NFE2L3: variants seen among roughly 807,000 people sequenced by gnomAD.
NFE2L3 encodes the protein nuclear factor erythroid 2-related factor 3.
NFE2L3 carries 18 observed loss-of-function variants against 23.5 expected under a neutral mutation model. The ratio of observed to expected loss-of-function variants is 0.77; its 90% CI spans 0.53 to 1.13. The LOEUF (loss-of-function observed/expected upper bound fraction) is 1.13, where lower values mean the gene tolerates loss of function less well. Ranked by LOEUF, NFE2L3 falls within the 50% of genes most tolerant of loss-of-function variation. NFE2L3 has a pLI of 0.00. For synonymous variants in NFE2L3, 424 were observed against 354.5 expected (o/e 1.20, Z -2.20); for missense variants, 1,152 against 877.2 (o/e 1.31, Z -3.96).
chr7:26,168,319 T>A (rs1784280962), intron 1 of NFE2L3, among the ~76,000 whole-genome samples: 1 of 151,710 alleles, frequency 6.6e-6, no homozygotes, highest in Non-Finnish European at 1.5e-5. Context: ...GTATTTTAAG[T>A]AGAGACAGGG....
rs933476324 is a variant in NFE2L3 at position 26,152,652 on chromosome 7, C to G, written c.154C>G (p.Pro52Ala). 6.0e-6 allele frequency: 9 copies of G among 1,500,652 alleles called. No individual in the cohort carries two copies. The highest frequency in any genetic ancestry group is 7.9e-6 in the Non-Finnish European group (9 of 1,133,092). The allele number at this position is 1,500,652 out of a possible 1,614,324, so 93.0% of individuals were successfully genotyped here. A position where few individuals can be genotyped will look rare whatever the true frequency, so the allele number is the denominator to read the frequency against. The change falls in exon 1 of 4, where the codon CCG becomes GCG. Residue 52 changes from proline to alanine, a missense_variant. Transcript: ENST00000056233. This position sits in a 1 kb window ranked among gnomAD's most constrained non-coding sequence, Gnocchi z 4.4. ...LQDELLFLGG[P>A]ASSAYALSPF... ...GGACGAGCTGCTGTTCCTGGGCGGC[C>G]CGGCCAGCTCCGCCTACGCGCTCAG...
At chr7:26,161,590 C>CGGCAAT (rs957752378) in intron 1 of NFE2L3, among the ~76,000 whole-genome samples, 3 of 151,914 alleles carry the variant, frequency 2.0e-5, no homozygotes, top group Non-Finnish European at 4.4e-5. Context: ...CCTCAGTGTC[C>CGGCAAT]GGCAATACCT....
chr7:26,154,570 A>G (rs1229667805), intron 1 of NFE2L3, among the ~76,000 whole-genome samples: 2 of 152,152 alleles, frequency 1.3e-5, no homozygotes, highest in African/African-American at 4.8e-5. Context: ...TTTGTTTTAA[A>G]GACAGGGTCT....
intron 1 of NFE2L3, among the ~76,000 whole-genome samples, chr7:26,156,437 G>T (rs1274528279): frequency 6.6e-6 from 1 of 152,092 alleles, no homozygotes; most frequent in Non-Finnish European, 1.5e-5. Flanking sequence ...AAATATTTTG[G>T]AGTAGGGGAT....
intron 2 of NFE2L3, among the ~76,000 whole-genome samples, chr7:26,183,281 C>T (rs1373916694): frequency 6.6e-6 from 1 of 152,114 alleles, no homozygotes; most frequent in Non-Finnish European, 1.5e-5. Flanking sequence ...GCTGCAGTGG[C>T]TCACGTCTGT....
intron 1 of NFE2L3, among the ~76,000 whole-genome samples, chr7:26,156,543 C>T (rs548868681): frequency 1.3e-5 from 2 of 152,280 alleles, no homozygotes; most frequent in South Asian, 2.1e-4. Flanking sequence ...AGGGCTGACA[C>T]GCTTCCCTTC....
chr7:26,161,102 G>A (rs1375085516), intron 1 of NFE2L3, among the ~76,000 whole-genome samples: 1 of 152,138 alleles, frequency 6.6e-6, no homozygotes, highest in Non-Finnish European at 1.5e-5. Flanking sequence ...AGCATGAAAG[G>A]AACCCTTCCC....
chr7:26,159,899 C>T (rs911903080), intron 1 of NFE2L3, among the ~76,000 whole-genome samples: 4 of 150,592 alleles, frequency 2.7e-5, no homozygotes, highest in East Asian at 1.9e-4. Context: ...AAGTCTGTCT[C>T]GTTCATGGCA....
intron 1 of NFE2L3, among the ~76,000 whole-genome samples, chr7:26,175,506 G>A (rs529492494): frequency 4.6e-5 from 7 of 152,188 alleles, no homozygotes; most frequent in East Asian, 1.9e-4. Context: ...CGCCGGGTGC[G>A]GTGGCTCACG....
At chr7:26,163,954 G>C (rs1256048460) in intron 1 of NFE2L3, among the ~76,000 whole-genome samples, 1 of 152,122 alleles carries the variant, frequency 6.6e-6, no homozygotes, top group East Asian at 1.9e-4. Flanking sequence ...ATGGTTTGCA[G>C]CTTCATCCAT....
At chr7:26,156,074 A>G (rs1197998996) in intron 1 of NFE2L3, among the ~76,000 whole-genome samples, 1 of 152,166 alleles carries the variant, frequency 6.6e-6, no homozygotes, top group Non-Finnish European at 1.5e-5. Flanking sequence ...CTAGACCCAG[A>G]CTGCCTGGTT....
chr7:26,152,450 G>A lies in NFE2L3; in HGVS notation c.-49G>A, dbSNP rs1442513987. On this transcript the variant is annotated 5_prime_UTR_variant, in exon 1 of 4. Coordinates refer to ENST00000056233, the MANE Select transcript of NFE2L3 (RefSeq NM_004289.7). This position sits in a 1 kb window ranked among gnomAD's most constrained non-coding sequence, Gnocchi z 4.4. ...CACGTGTCACCCCGGCGGCTGGGGC[G>A]CCGGGACCCGCGGGCGCCGGCAGGG... 25 of 1,211,960 alleles carry A rather than the reference G, an allele frequency of 2.1e-5. No individual in the cohort carries two copies. Among genetic ancestry groups the A allele is most frequent in the African/African-American group, 3.2e-5 (2 of 63,244 alleles). 75.1% of individuals were successfully genotyped at this position (1,211,960 alleles called of 1,614,324 possible). A position where few individuals can be genotyped will look rare whatever the true frequency, so the allele number is the denominator to read the frequency against.
rs542913465 is a variant in NFE2L3 at position 26,186,062 on chromosome 7, G to A, written c.*279G>A. ...ATAGGTTAACATGAAAACCCAGTAA[G>A]ACTTTCCATCTTGGCAGCCATCCTT... On this transcript the variant is annotated 3_prime_UTR_variant, in exon 4 of 4. Transcript: ENST00000056233. 3.8e-6 allele frequency: 1 copy of A among 263,202 alleles called. No individual in the cohort carries two copies. Among genetic ancestry groups the A allele is most frequent in the African/African-American group, 2.2e-5 (1 of 45,322 alleles). The allele number at this position is 263,202 out of a possible 1,614,324, so 16.3% of individuals were successfully genotyped here. A position where few individuals can be genotyped will look rare whatever the true frequency, so the allele number is the denominator to read the frequency against.
In NFE2L3 at chr7:26,185,371, CTGT is replaced by C. The variant is rs1450821870; in HGVS notation, c.1676_1678del (p.Val559del). The C allele has an allele frequency of 6.2e-7, 1 of 1,613,984 alleles. No homozygotes were observed. Among genetic ancestry groups the C allele is most frequent in the African/African-American group, 1.3e-5 (1 of 74,914 alleles). ...TCTGTAGATGAAATTGTCGGCATGC[CTGT>C]TGATTCTTTCAATAGCATGTTAAGT... On this transcript the variant is annotated inframe_deletion, in exon 4 of 4. Transcript: ENST00000056233.
chr7:26,153,867 T>C (rs1784038761), intron 1 of NFE2L3, among the ~76,000 whole-genome samples: 1 of 152,206 alleles, frequency 6.6e-6, no homozygotes, highest in Non-Finnish European at 1.5e-5. Flanking sequence ...TTAACACCAG[T>C]TTCCACAAAA....
At chr7:26,161,359 T>C (rs1257710023) in intron 1 of NFE2L3, among the ~76,000 whole-genome samples, 3 of 110,376 alleles carry the variant, frequency 2.7e-5, no homozygotes, top group Non-Finnish European at 5.4e-5. Flanking sequence ...TTTTTTTTTT[T>C]TTTTTGGGTC....
intron 1 of NFE2L3, among the ~76,000 whole-genome samples, chr7:26,169,525 C>T (rs563108806): frequency 6.6e-6 from 1 of 152,256 alleles, no homozygotes; most frequent in South Asian, 2.1e-4. Context: ...GCTGGCTGCC[C>T]ACAGGTATGT....
At position 26,185,059 on chromosome 7, in the gene NFE2L3, A is replaced by C. The variant is rs555426023; in HGVS notation, c.1361A>C (p.Glu454Ala). 3 of 1,613,638 alleles carry C rather than the reference A, an allele frequency of 1.9e-6. No homozygotes were observed. Among genetic ancestry groups the C allele is most frequent in the African/African-American group, 1.3e-5 (1 of 74,896 alleles). ...EGAIGYCTDH[E>A]SSSHHDLEGA... ...GCTATAGGTTATTGCACTGACCATG[A>C]ATCTAGTTCCCATCATGACTTAGAA... is the stretch of plus-strand genomic sequence containing the variant. The change falls in exon 4 of 4, where the codon GAA becomes GCA. Residue 454 changes from glutamate to alanine, a missense_variant. Physicochemically the swap from Glu to Ala is moderately radical, Grantham distance 107. Transcript: ENST00000056233.
At chr7:26,155,741 G>T (rs543874322) in intron 1 of NFE2L3, among the ~76,000 whole-genome samples, 2 of 152,328 alleles carry the variant, frequency 1.3e-5, no homozygotes, top group African/African-American at 2.4e-5. Flanking sequence ...GAGAAAATGG[G>T]CTGGAAAAAC....
Sources: allele counts gnomAD v4.1 joint callset (sites outside exome capture counted in the v4.1 genomes callset), GRCh38; gene constraint gnomAD v4.1.1; non-coding constraint Gnocchi (gnomAD v3.1); transcripts MANE v1.5; gene names NCBI Gene and HGNC (gene_info 2026-07-23, HGNC 2026-07-21).